IQCB1: variants seen among roughly 807,000 people sequenced by gnomAD.
The protein encoded by IQCB1 is IQ motif containing B1, also known as IQ calmodulin-binding motif-containing protein 1.
In IQCB1, 56 loss-of-function variants were observed where a neutral mutation model predicts 84.4. That is an observed-to-expected ratio of 0.66 (90% CI 0.54 to 0.83). The LOEUF is 0.83. IQCB1 is among the 40% of genes least tolerant of loss of function. The probability of loss-of-function intolerance (pLI) is 0.00; values close to 1 mark genes in which losing one functional copy is unlikely to be tolerated. For synonymous variants in IQCB1, 210 were observed against 234.8 expected (o/e 0.89, Z 0.96); for missense variants, 629 against 682.1 (o/e 0.92, Z 0.87).
intron 7 of IQCB1, among the ~76,000 whole-genome samples, chr3:121,804,446 T>C (rs1949530232): frequency 6.6e-6 from 1 of 152,158 alleles, no homozygotes. Context: ...GTTGGTCTGC[T>C]GGTGATTTCT....
At chr3:121,819,036 G>A (rs1254409696) in intron 5 of IQCB1, among the ~76,000 whole-genome samples, 1 of 152,140 alleles carries the variant, frequency 6.6e-6, no homozygotes, top group African/African-American at 2.4e-5. Flanking sequence ...CGGTTTCATG[G>A]AAGATAATTT....
intron 12 of IQCB1, among the ~76,000 whole-genome samples, chr3:121,782,492 C>G (rs1013502129): frequency 1.3e-5 from 2 of 152,164 alleles, no homozygotes; most frequent in Non-Finnish European, 2.9e-5. Flanking sequence ...AGCCTGCTGC[C>G]TGTTTTCATA....
intron 11 of IQCB1, among the ~76,000 whole-genome samples, chr3:121,789,635 C>T (rs556456115): frequency 6.6e-6 from 1 of 152,250 alleles, no homozygotes; most frequent in African/African-American, 2.4e-5. Context: ...CCACTAAGAC[C>T]TCTCAGACCA....
chr3:121,834,340 C>T (rs1296945529), intron 2 of IQCB1, 51 bp downstream of exon 2: 1 of 152,178 alleles, frequency 6.6e-6, no homozygotes, highest in East Asian at 1.9e-4. Context: ...ACATTAAATT[C>T]ATGAAATTTG....
chr3:121,810,359 C>T (rs1949777887), intron 5 of IQCB1, among the ~76,000 whole-genome samples: 1 of 152,148 alleles, frequency 6.6e-6, no homozygotes, highest in South Asian at 2.1e-4. Flanking sequence ...GTTTTTGCCA[C>T]ATCTTTTTTA....
intron 7 of IQCB1, 26 bp downstream of exon 7, chr3:121,807,318 G>A (rs1270992779): frequency 2.7e-6 from 3 of 1,128,440 alleles, no homozygotes; most frequent in Non-Finnish European, 4.1e-6. Context: ...AAAAAAAGCA[G>A]TAACATTTTG....
chr3:121,803,950 G>T lies in IQCB1; in HGVS notation c.587+3394C>A, dbSNP rs146613415. On this transcript the variant is annotated intron_variant, in intron 7 of 14. Coordinates refer to ENST00000310864, the MANE Select transcript of IQCB1 (RefSeq NM_001023570.4). ...CCACATTTACATCTAAGATAGATAGGTTTAAATCTACCACTTGGTTTTGTT... is the reference window on the plus strand; with the variant it reads ...CCACATTTACATCTAAGATAGATAGTTTTAAATCTACCACTTGGTTTTGTT... 2.0e-5 allele frequency among the ~76,000 whole-genome samples: 3 copies of T among 151,646 alleles called. No homozygotes were observed. The South Asian group carries it at 6.2e-4, about 32-fold the overall frequency.
intron 14 of IQCB1, 130 bp downstream of exon 14, chr3:121,772,416 GGTCTGATCTAT>G (rs1451003693): frequency 6.4e-6 from 5 of 785,714 alleles, no homozygotes; most frequent in Non-Finnish European, 1.1e-5. Flanking sequence ...ATTGTGTGCT[GGTCTGATCTAT>G]GTAGAAATTT....
chr3:121,802,035 T>A lies in IQCB1; in HGVS notation c.588-2661A>T, dbSNP rs548282470. Among the ~76,000 whole-genome samples the A allele has an allele frequency of 2.3e-3, 356 of 152,120 alleles. 4 individuals carry two copies. The highest frequency in any genetic ancestry group is 4.2e-3 in the Non-Finnish European group (285 of 67,922). Reference sequence around the variant, plus strand: ...TTAATATATTGTTGAATTTGACTTATAAAATTTTGTTCAGAACATTTCTAT... The same window carrying A: ...TTAATATATTGTTGAATTTGACTTAAAAAATTTTGTTCAGAACATTTCTAT... On this transcript the variant is annotated intron_variant, in intron 7 of 14. Coordinates refer to ENST00000310864, the MANE Select transcript of IQCB1 (RefSeq NM_001023570.4).
intron 2 of IQCB1, among the ~76,000 whole-genome samples, chr3:121,830,082 C>T (rs1266690748): frequency 1.3e-5 from 2 of 151,984 alleles, no homozygotes; most frequent in Non-Finnish European, 2.9e-5. Flanking sequence ...GTGGCGCGTG[C>T]CTGTAATCCC....
At position 121,795,503 on chromosome 3, in the gene IQCB1, ATC is replaced by A; in HGVS notation, c.938_939del (p.Arg313IlefsTer28). The A allele has an allele frequency of 6.2e-7, 1 of 1,610,548 alleles. No individual in the cohort carries two copies. Among genetic ancestry groups the A allele is most frequent in the Admixed American group, 1.7e-5 (1 of 59,988 alleles). On this transcript the variant is annotated frameshift_variant, in exon 10 of 15. Transcript: ENST00000310864. LOFTEE classifies it high-confidence loss of function. Reference sequence around the variant, plus strand: ...ATCACAGCAGATGGAAGCTTCTTTAATCTCTTTCTTGTCTGAAAACCCTTCCA... The same window carrying A: ...ATCACAGCAGATGGAAGCTTCTTTAATCTTTCTTGTCTGAAAACCCTTCCA... Reference protein sequence around the residue: ...AYWKGFQTRKRLKKLPSAVIA... With the variant: ...AYWKGFQTRKXLKKLPSAVIA...
At chr3:121,820,465 G>A (rs1471032880) in intron 5 of IQCB1, among the ~76,000 whole-genome samples, 2 of 152,036 alleles carry the variant, frequency 1.3e-5, no homozygotes, top group Non-Finnish European at 2.9e-5. Context: ...CACATCCCTA[G>A]GAAAGCTCAT....
intron 2 of IQCB1, among the ~76,000 whole-genome samples, chr3:121,830,400 TA>T (rs1268423125): frequency 8.8e-4 from 127 of 143,750 alleles, no homozygotes; most frequent in South Asian, 2.2e-3. Context: ...ACCCTGTCTC[TA>T]AAAAAAAAAA....
chr3:121,795,684 G>T (rs1949159889), intron 9 of IQCB1, 118 bp from the exon 10 acceptor site: 2 of 688,740 alleles, frequency 2.9e-6, no homozygotes, highest in Non-Finnish European at 5.2e-6. Flanking sequence ...TAACAAGATG[G>T]GTAAGAATAT....
At chr3:121,812,268 G>C (rs1395495721) in intron 5 of IQCB1, among the ~76,000 whole-genome samples, 1 of 152,086 alleles carries the variant, frequency 6.6e-6, no homozygotes, top group Non-Finnish European at 1.5e-5. Flanking sequence ...CCATCCAAAG[G>C]TCATCAGCAT....
chr3:121,825,008 C>T (rs1205517320), intron 5 of IQCB1, among the ~76,000 whole-genome samples: 1 of 151,858 alleles, frequency 6.6e-6, no homozygotes. Context: ...TTCTGACATG[C>T]ACGAGTTTCA....
intron 14 of IQCB1, among the ~76,000 whole-genome samples, chr3:121,772,185 A>T (rs1031471059): frequency 9.2e-5 from 14 of 151,918 alleles, no homozygotes; most frequent in Admixed American, 3.3e-4. Context: ...AAATAATAAT[A>T]AAAAAAAATT....
At chr3:121,801,995 T>G (rs1027876149) in intron 7 of IQCB1, among the ~76,000 whole-genome samples, 1 of 151,958 alleles carries the variant, frequency 6.6e-6, no homozygotes, top group African/African-American at 2.4e-5. Context: ...GAATTATTCA[T>G]GACGTATTAA....
At chr3:121,820,924 A>G (rs1384754065) in intron 5 of IQCB1, among the ~76,000 whole-genome samples, 3 of 151,266 alleles carry the variant, frequency 2.0e-5, no homozygotes, top group Non-Finnish European at 4.4e-5. Context: ...GTCTCCTCAA[A>G]AAAAAAAGCC....
Sources: gnomAD v4.1 joint callset for allele counts (sites outside exome capture counted in the v4.1 genomes callset) on GRCh38, gnomAD v4.1.1 for gene constraint, MANE v1.5 for transcripts, NCBI Gene and HGNC (gene_info 2026-07-23, HGNC 2026-07-21) for gene names.